SYNE2: variants seen among roughly 807,000 people sequenced by gnomAD.
SYNE2 encodes spectrin repeat containing nuclear envelope protein 2, also known as nesprin-2.
A neutral mutation model predicts 856.3 loss-of-function variants in SYNE2; 431 were observed. The ratio of observed to expected loss-of-function variants is 0.50; its 90% CI spans 0.47 to 0.55. The LOEUF is 0.55. Among genes scored for constraint, SYNE2 ranks in the 20% least tolerant of loss-of-function variants. The pLI, the probability that SYNE2 is intolerant of heterozygous loss-of-function variation, is 0.00. For synonymous variants in SYNE2, 2,923 were observed against 2,872.3 expected (o/e 1.02, Z -0.56); for missense variants, 8,129 against 8,023.2 (o/e 1.01, Z -0.50).
Position 63,976,580 on chromosome 14 carries a change from A to G in SYNE2, c.1146A>G (p.Ile382Met). The change falls in exon 12 of 116, where the codon ATA (isoleucine) becomes ATG (methionine). Residue 382 changes from isoleucine (I) to methionine (M), a missense_variant. Physicochemically the swap from Ile to Met is conservative, Grantham distance 10. Transcript: ENST00000555002. Reference protein sequence around the residue: ...GLDHQINAWKIKLNYALPPPL... With the variant: ...GLDHQINAWKMKLNYALPPPL... Reference sequence around the variant, plus strand: ...TTTTTCAGATTAATGCATGGAAAATAAAGCTAAATTATGCCTTGCCCCCAC... The same window carrying G: ...TTTTTCAGATTAATGCATGGAAAATGAAGCTAAATTATGCCTTGCCCCCAC... The G allele has an allele frequency of 6.2e-7, 1 of 1,610,508 alleles. No homozygotes were observed. Among genetic ancestry groups the G allele is most frequent in the South Asian group, 1.1e-5 (1 of 90,596 alleles).
At chr14:63,836,292 G>C (rs1434953860) in intron 1 of SYNE2, among the ~76,000 whole-genome samples, 2 of 152,134 alleles carry the variant, frequency 1.3e-5, no homozygotes, top group Non-Finnish European at 2.9e-5. Context: ...CCAAAGTGCT[G>C]GGATTATGGG....
At position 64,168,940 on chromosome 14, in the gene SYNE2, C is replaced by A. The variant is rs759225967; in HGVS notation, c.16969C>A (p.Gln5657Lys). The A allele has an allele frequency of 1.1e-5, 17 of 1,613,912 alleles. No homozygotes were observed. The Admixed American group carries it at 1.3e-4, about 13-fold the overall frequency. The change falls in exon 93 of 116, where the codon CAA (glutamine) becomes AAA (lysine). Residue 5657 changes from glutamine to lysine, a missense_variant. Around this residue, in one of 3 missense-constraint regions of SYNE2, gnomAD observed 5,410 missense variants for 5,284.8 expected, o/e 1.02. Transcript: ENST00000555002. ...IADSYVTQSL[Q>K]LLDTTEIENR... The stretch of plus-strand genomic sequence containing the variant: ...TGATTCCTATGTCACCCAGTCCTTA[C>A]AACTCCTGGACACAACAGAAATAGA...
At position 63,990,574 on chromosome 14, in the gene SYNE2, C is replaced by T; in HGVS notation, c.2472+5C>T. 1 of 1,613,474 alleles carries T rather than the reference C, an allele frequency of 6.2e-7. No individual in the cohort carries two copies. Among genetic ancestry groups the T allele is most frequent in the East Asian group, 2.2e-5 (1 of 44,852 alleles). On this transcript the variant is annotated splice_donor_5th_base_variant and intron_variant, in intron 20 of 115. Coordinates refer to ENST00000555002, the MANE Select transcript of SYNE2 (RefSeq NM_182914.3). Reference sequence around the variant, plus strand: ...GAAGCTAAAGAGAAAGTCCAGGTCTCTCTTTAATATTCCCTATTTAGTAAT... The same window carrying T: ...GAAGCTAAAGAGAAAGTCCAGGTCTTTCTTTAATATTCCCTATTTAGTAAT...
intron 2 of SYNE2, among the ~76,000 whole-genome samples, chr14:63,929,719 C>T (rs539938932): frequency 4.6e-5 from 7 of 150,562 alleles, no homozygotes; most frequent in African/African-American, 9.8e-5. Flanking sequence ...TGCAGTGAGC[C>T]GAGATCGCGC....
At chr14:63,988,077 A>G (rs2096639188) in intron 19 of SYNE2, among the ~76,000 whole-genome samples, 1 of 152,128 alleles carries the variant, frequency 6.6e-6, no homozygotes, top group Non-Finnish European at 1.5e-5. Flanking sequence ...TAGACATAAA[A>G]TAAATATTTT....
At chr14:64,121,161 G>A in intron 68 of SYNE2, 100 bp downstream of exon 68, 1 of 1,533,628 alleles carries the variant, frequency 6.5e-7, no homozygotes, top group Non-Finnish European at 9.0e-7. Context: ...AGGCTGAGGT[G>A]GGAGGATCAC....
intron 41 of SYNE2, among the ~76,000 whole-genome samples, chr14:64,025,740 A>G (rs1217663509): frequency 6.6e-6 from 1 of 152,164 alleles, no homozygotes; most frequent in Non-Finnish European, 1.5e-5. Context: ...TAGGATGTCA[A>G]AAGAACATAT....
chr14:63,995,642 T>G (rs181773387), intron 23 of SYNE2, among the ~76,000 whole-genome samples: 63 of 152,332 alleles, frequency 4.1e-4, no homozygotes, highest in African/African-American at 1.3e-3. Context: ...TTGACATTCC[T>G]GACCCTTTTT....
chr14:63,996,797 T>C (rs1395983901), intron 23 of SYNE2, 150 bp from the exon 24 acceptor site: 5 of 763,182 alleles, frequency 6.6e-6, no homozygotes, highest in Admixed American at 4.4e-5. Context: ...TCTCTCATCT[T>C]TTTTTCTCTA....
In SYNE2 at chr14:64,072,503, C is replaced by CT. The variant is rs35527459; in HGVS notation, c.10698-1451dup. Reference sequence around the variant, plus strand: ...TAGTAGGTTGCTACCTATACTTCTCCTTTTTTTTTTTTTTGAGACAGAGTC... The same window carrying CT: ...TAGTAGGTTGCTACCTATACTTCTCCTTTTTTTTTTTTTTTGAGACAGAGTC... On this transcript the variant is annotated intron_variant, in intron 52 of 115. Coordinates refer to ENST00000555002, the MANE Select transcript of SYNE2 (RefSeq NM_182914.3). 2.1e-3 allele frequency among the ~76,000 whole-genome samples: 300 copies of CT among 143,920 alleles called. 1 individual carries two copies. The highest frequency in any genetic ancestry group is 0.015 in the East Asian group (76 of 4,932). The allele number at this position is 143,920 out of a possible 152,430, so 94.4% of individuals were successfully genotyped here.
intron 2 of SYNE2, among the ~76,000 whole-genome samples, chr14:63,919,972 G>GTTTTTTTTTTTTCTTTTT (rs2095578054): frequency 9.0e-6 from 1 of 110,620 alleles, no homozygotes; most frequent in Non-Finnish European, 1.8e-5. Flanking sequence ...TAAAAGGTAA[G>GTTTTTTTTTTTTCTTTTT]TTTTTTTTTT....
rs1309932040 is a variant in SYNE2 at position 64,102,078 on chromosome 14, C to T, written c.12492+36C>T. On this transcript the variant is annotated intron_variant, in intron 64 of 115. Coordinates refer to ENST00000555002, the MANE Select transcript of SYNE2 (RefSeq NM_182914.3). ...GCGTATCAGCCACGCTTAGGGGTTA[C>T]GAGGGCCCAGGGGGGAGCAGGGATC... 9 of 1,463,488 alleles carry T rather than the reference C, an allele frequency of 6.1e-6. No homozygotes were observed. The Admixed American group carries it at 1.0e-4, about 16-fold the overall frequency. 90.7% of individuals were successfully genotyped at this position (1,463,488 alleles called of 1,614,324 possible). A position where few individuals can be genotyped will look rare whatever the true frequency, so the allele number is the denominator to read the frequency against.
intron 110 of SYNE2, 93 bp downstream of exon 110, chr14:64,219,503 T>C (rs2098684596): frequency 5.6e-6 from 7 of 1,254,142 alleles, no homozygotes; most frequent in Non-Finnish European, 8.1e-6. Flanking sequence ...ATTCGTGGCA[T>C]AGGCGCAGCT....
chr14:64,169,024 C>T, intron 93 of SYNE2, 53 bp downstream of exon 93: 1 of 1,383,612 alleles, frequency 7.2e-7, no homozygotes, highest in Non-Finnish European at 1.0e-6. Context: ...GTAATGCATT[C>T]AGTCAGGGCA....
At chr14:64,186,995 G>A (rs1038899745) in intron 97 of SYNE2, among the ~76,000 whole-genome samples, 1 of 152,132 alleles carries the variant, frequency 6.6e-6, no homozygotes, top group African/African-American at 2.4e-5. Flanking sequence ...ACCAGGCATG[G>A]GAGCATTTCA....
intron 1 of SYNE2, among the ~76,000 whole-genome samples, chr14:63,766,197 G>C (rs1457079253): frequency 6.6e-6 from 1 of 151,438 alleles, no homozygotes; most frequent in East Asian, 2.0e-4. Flanking sequence ...TCCTGCCTCA[G>C]CCTCCCGAGT....
At chr14:64,062,241 A>G (rs1776901065) in intron 49 of SYNE2, among the ~76,000 whole-genome samples, 1 of 152,152 alleles carries the variant, frequency 6.6e-6, no homozygotes, top group African/African-American at 2.4e-5. Context: ...TCTTAATCAT[A>G]CCTTTGTTAG....
chr14:63,828,789 G>A (rs1330443053), intron 1 of SYNE2, among the ~76,000 whole-genome samples: 2 of 151,976 alleles, frequency 1.3e-5, no homozygotes, highest in Non-Finnish European at 2.9e-5. Flanking sequence ...ATGTTCATAG[G>A]CTATATGCAA....
chr14:64,015,214 A>G (rs1384424952), intron 32 of SYNE2, among the ~76,000 whole-genome samples: 1 of 151,386 alleles, frequency 6.6e-6, no homozygotes, highest in Non-Finnish European at 1.5e-5. Context: ...TCATAAAATT[A>G]ATTGGGAGTG....
Sources: allele counts gnomAD v4.1 joint callset (sites outside exome capture counted in the v4.1 genomes callset), GRCh38; gene constraint gnomAD v4.1.1; regional missense constraint gnomAD v4.1.1; transcripts MANE v1.5; gene names NCBI Gene and HGNC (gene_info 2026-07-23, HGNC 2026-07-21).